AGBL4: variants seen among roughly 807,000 people sequenced by gnomAD.
The protein encoded by AGBL4 is cytosolic carboxypeptidase 6.
A neutral mutation model predicts 66.4 loss-of-function variants in AGBL4; 58 were observed. That is an observed-to-expected ratio of 0.87 (90% CI 0.71 to 1.09). AGBL4 has a LOEUF of 1.09. Ranked by LOEUF, AGBL4 falls within the 50% of genes least tolerant of loss-of-function variation. The probability of loss-of-function intolerance (pLI) is 0.00; values close to 1 mark genes in which losing one functional copy is unlikely to be tolerated. For missense variants in AGBL4, 579 were observed against 631.0 expected, an observed-to-expected ratio of 0.92 and a Z score of 0.88; for synonymous variants, 234 against 222.9, an observed-to-expected ratio of 1.05 and a Z score of -0.44.
chr1:49,714,511 C>T (rs181463678), intron 2 of AGBL4, among the ~76,000 whole-genome samples: 1 of 150,530 alleles, frequency 6.6e-6, no homozygotes, highest in Admixed American at 6.6e-5. Context: ...TCTCCAGTTC[C>T]ATCTATGCTG....
At chr1:49,986,055 G>T (rs1659477937) in intron 1 of AGBL4, among the ~76,000 whole-genome samples, 1 of 152,052 alleles carries the variant, frequency 6.6e-6, no homozygotes, top group South Asian at 2.1e-4. Context: ...GAAACAGATT[G>T]ATTTTTAACT....
intron 1 of AGBL4, among the ~76,000 whole-genome samples, chr1:49,946,402 G>T (rs949632015): frequency 5.9e-5 from 9 of 151,746 alleles, no homozygotes; most frequent in African/African-American, 1.7e-4. Flanking sequence ...AACTCCAAAA[G>T]GAACATTTAA....
At chr1:49,119,782 T>A (rs1645612923) in intron 4 of AGBL4, among the ~76,000 whole-genome samples, 2 of 151,530 alleles carry the variant, frequency 1.3e-5, no homozygotes, top group South Asian at 4.1e-4. Flanking sequence ...TGTGCAGTGT[T>A]AAAGTCTCCC....
intron 2 of AGBL4, among the ~76,000 whole-genome samples, chr1:49,736,880 C>T (rs1205726178): frequency 6.6e-6 from 1 of 151,378 alleles, no homozygotes; most frequent in African/African-American, 2.4e-5. Flanking sequence ...CTCAAGAGAA[C>T]ACATAAAAAT....
At chr1:49,039,755 G>A (rs1643894476) in intron 5 of AGBL4, among the ~76,000 whole-genome samples, 2 of 151,978 alleles carry the variant, frequency 1.3e-5, no homozygotes, top group Non-Finnish European at 2.9e-5. Context: ...TAACATAAAA[G>A]CAAATCATTG....
At chr1:49,859,075 A>G (rs140870305) in intron 1 of AGBL4, among the ~76,000 whole-genome samples, 36 of 152,328 alleles carry the variant, frequency 2.4e-4, no homozygotes, top group African/African-American at 8.4e-4. Context: ...GAAATATACA[A>G]AACCACAATT....
intron 3 of AGBL4, among the ~76,000 whole-genome samples, chr1:49,488,491 C>T (rs1647116287): frequency 6.6e-6 from 1 of 151,624 alleles, no homozygotes; most frequent in Non-Finnish European, 1.5e-5. Flanking sequence ...ATAATCACAT[C>T]AGGGTAAGTG....
intron 2 of AGBL4, among the ~76,000 whole-genome samples, chr1:49,762,165 T>C (rs1382648667): frequency 1.3e-5 from 2 of 152,218 alleles, no homozygotes; most frequent in African/African-American, 2.4e-5. Flanking sequence ...CAGATTTACA[T>C]AGTGGCTGTA....
intron 5 of AGBL4, among the ~76,000 whole-genome samples, chr1:49,030,646 A>G (rs1664134094): frequency 6.6e-6 from 1 of 152,004 alleles, no homozygotes; most frequent in Non-Finnish European, 1.5e-5. Context: ...GGATCTAACT[A>G]ATGCCTGATA....
chr1:49,331,721 A>G (rs978252398), intron 3 of AGBL4, among the ~76,000 whole-genome samples: 8 of 151,520 alleles, frequency 5.3e-5, no homozygotes, highest in African/African-American at 1.9e-4. Context: ...ACTCAACCAG[A>G]CTATCCTGCA....
intron 2 of AGBL4, among the ~76,000 whole-genome samples, chr1:49,742,956 A>T (rs1650648284): frequency 6.6e-6 from 1 of 152,210 alleles, no homozygotes; most frequent in South Asian, 2.1e-4. Context: ...CCCTAGAAAA[A>T]AACCTACGCA....
intron 4 of AGBL4, among the ~76,000 whole-genome samples, chr1:49,083,867 G>A: frequency 6.6e-6 from 1 of 152,204 alleles, no homozygotes; most frequent in Non-Finnish European, 1.5e-5. Context: ...GAGCATCCAA[G>A]TCACATGCTT....
At chr1:49,471,197 A>C (rs545278440) in intron 3 of AGBL4, among the ~76,000 whole-genome samples, 2,518 of 152,134 alleles carry the variant, frequency 0.017, 62 homozygotes, top group African/African-American at 0.057. Context: ...GCTTCCTTTT[A>C]TGAAACAAAA....
intron 5 of AGBL4, among the ~76,000 whole-genome samples, chr1:48,945,265 G>A (rs952559732): frequency 6.6e-6 from 1 of 152,240 alleles, no homozygotes; most frequent in Non-Finnish European, 1.5e-5. Flanking sequence ...TGGAACACAG[G>A]GATAGTTATC....
chr1:49,903,980 T>C (rs541700858), intron 1 of AGBL4, among the ~76,000 whole-genome samples: 1 of 152,178 alleles, frequency 6.6e-6, no homozygotes, highest in African/African-American at 2.4e-5. Flanking sequence ...AAGGTAGGCA[T>C]GGTGGCAGGG....
intron 6 of AGBL4, among the ~76,000 whole-genome samples, chr1:48,673,492 C>A (rs1337936197): frequency 6.6e-6 from 1 of 152,136 alleles, no homozygotes; most frequent in Non-Finnish European, 1.5e-5. Flanking sequence ...ATCTCAAATC[C>A]CCACTGGCAT....
chr1:49,101,347 C>A (rs942374434), intron 4 of AGBL4, among the ~76,000 whole-genome samples: 3 of 152,014 alleles, frequency 2.0e-5, no homozygotes, highest in Non-Finnish European at 2.9e-5. Flanking sequence ...GCAGCATCCC[C>A]AGCTAATTTT....
chr1:49,720,700 G>A (rs555296312), intron 2 of AGBL4, among the ~76,000 whole-genome samples: 2 of 152,244 alleles, frequency 1.3e-5, no homozygotes, highest in East Asian at 3.9e-4. Flanking sequence ...ACGTGCAGAG[G>A]TGTGAGAACA....
intron 5 of AGBL4, among the ~76,000 whole-genome samples, chr1:48,965,426 C>T (rs1274725876): frequency 2.0e-5 from 3 of 152,102 alleles, no homozygotes; most frequent in Non-Finnish European, 4.4e-5. Flanking sequence ...CAGAGACCTG[C>T]AATTAAAATT....
Sources: allele counts gnomAD v4.1 joint callset (sites outside exome capture counted in the v4.1 genomes callset), GRCh38; gene constraint gnomAD v4.1.1; transcripts MANE v1.5; gene names NCBI Gene and HGNC (gene_info 2026-07-23, HGNC 2026-07-21).